Variants in THSD7A observed in about 807,000 individuals in gnomAD.
THSD7A encodes the protein thrombospondin type 1 domain containing 7A.
A neutral mutation model predicts 231.3 loss-of-function variants in THSD7A; 96 were observed. That is an observed-to-expected ratio of 0.41 (90% CI 0.35 to 0.49). THSD7A has a LOEUF of 0.49. THSD7A is among the 20% of genes least tolerant of loss of function. The pLI, the probability that THSD7A is intolerant of heterozygous loss-of-function variation, is 0.05. For synonymous variants in THSD7A, 940 were observed against 743.3 expected (o/e 1.26, Z -4.30); for missense variants, 2,290 against 2,070.2 (o/e 1.11, Z -2.06).
chr7:11,518,796 C>T (rs1400826007), intron 6 of THSD7A, among the ~76,000 whole-genome samples: 1 of 152,040 alleles, frequency 6.6e-6, no homozygotes, highest in South Asian at 2.1e-4. Flanking sequence ...AAAATGAACA[C>T]ATGTGAAATA....
intron 4 of THSD7A, among the ~76,000 whole-genome samples, chr7:11,557,515 G>T (rs1789897697): frequency 6.6e-6 from 1 of 152,026 alleles, no homozygotes; most frequent in Non-Finnish European, 1.5e-5. Context: ...GGCATAAGGA[G>T]TGACTTTGAT....
At chr7:11,532,058 T>G (rs531153200) in intron 6 of THSD7A, among the ~76,000 whole-genome samples, 44 of 152,022 alleles carry the variant, frequency 2.9e-4, no homozygotes, top group African/African-American at 1.0e-3. Flanking sequence ...AAGTGACCAT[T>G]CAGCTGTTTT....
intron 23 of THSD7A, chr7:11,385,070 C>G (rs534825744): frequency 2.4e-4 from 36 of 148,230 alleles, no homozygotes; most frequent in African/African-American, 8.2e-4. Context: ...GTTTTATTGT[C>G]AATGCAGCTT....
chr7:11,658,056 C>T (rs1043347579), intron 1 of THSD7A, among the ~76,000 whole-genome samples: 3 of 151,566 alleles, frequency 2.0e-5, no homozygotes, highest in Non-Finnish European at 3.0e-5. Context: ...AACAAGGGAC[C>T]AGCAGTCAGT....
intron 4 of THSD7A, among the ~76,000 whole-genome samples, chr7:11,565,200 A>AC (rs1790256638): frequency 6.6e-6 from 1 of 152,248 alleles, no homozygotes; most frequent in Admixed American, 6.5e-5. Flanking sequence ...AGTCTGGAAT[A>AC]TGTATGTTAT....
rs991134772 is a variant in THSD7A, at chr7:11,632,468, G to A, written c.1022+3662C>T. Among the ~76,000 whole-genome samples the A allele has an allele frequency of 2.0e-5, 3 of 151,894 alleles. No individual in the cohort carries two copies. Among genetic ancestry groups the A allele is most frequent in the Admixed American group, 6.6e-5 (1 of 15,248 alleles). On this transcript the variant is annotated intron_variant, in intron 2 of 27. Coordinates refer to ENST00000423059, the MANE Select transcript of THSD7A (RefSeq NM_015204.3). The surrounding 1 kb of genome is among the most constrained non-coding windows in gnomAD (Gnocchi z 4.1). ...CATCAACCTTATTGATTTTTTTATTGTTTATATTTTCAATTGATTAGCTGG... is the reference window on the plus strand; with the variant it reads ...CATCAACCTTATTGATTTTTTTATTATTTATATTTTCAATTGATTAGCTGG...
chr7:11,700,389 T>A (rs533085047), intron 1 of THSD7A, among the ~76,000 whole-genome samples: 1 of 151,342 alleles, frequency 6.6e-6, no homozygotes, highest in Non-Finnish European at 1.5e-5. Context: ...GTTGTTGACA[T>A]TTACGTAATT....
intron 1 of THSD7A, among the ~76,000 whole-genome samples, chr7:11,769,140 TATATATATA>T (rs1427209141): frequency 1.6e-5 from 1 of 62,396 alleles, no homozygotes; most frequent in African/African-American, 5.3e-5. Flanking sequence ...TATATATATA[TATATATATA>T]TATATTTTTT....
intron 11 of THSD7A, among the ~76,000 whole-genome samples, chr7:11,459,665 ATTTTTTTTTTT>A (rs34415355): frequency 0.067 from 2,673 of 39,894 alleles, 205 homozygotes; most frequent in African/African-American, 0.15. Context: ...AAAACAGGGG[ATTTTTTTTTTT>A]TTTTTTTTTT....
intron 13 of THSD7A, among the ~76,000 whole-genome samples, chr7:11,442,490 T>G (rs370219773): frequency 7.9e-5 from 12 of 152,140 alleles, no homozygotes; most frequent in African/African-American, 2.6e-4. Context: ...AATTTTGTCT[T>G]TAAATTGAAA....
chr7:11,738,465 C>A (rs1207232403), intron 1 of THSD7A, among the ~76,000 whole-genome samples: 1 of 151,978 alleles, frequency 6.6e-6, no homozygotes, highest in African/African-American at 2.4e-5. Flanking sequence ...TAAGATAGTG[C>A]TAGCAATACT....
intron 1 of THSD7A, among the ~76,000 whole-genome samples, chr7:11,810,008 G>C (rs1046947396): frequency 6.6e-6 from 1 of 152,148 alleles, no homozygotes; most frequent in Non-Finnish European, 1.5e-5. Context: ...ACATGAAAAA[G>C]TATGGGATAG....
chr7:11,595,466 T>A (rs1780327706), intron 2 of THSD7A, among the ~76,000 whole-genome samples: 1 of 152,152 alleles, frequency 6.6e-6, no homozygotes, highest in Non-Finnish European at 1.5e-5. Flanking sequence ...AAAAAGGTTC[T>A]AATGGTTTAT....
At chr7:11,822,698 T>C (rs1424958166) in intron 1 of THSD7A, among the ~76,000 whole-genome samples, 1 of 152,084 alleles carries the variant, frequency 6.6e-6, no homozygotes, top group Non-Finnish European at 1.5e-5. Flanking sequence ...CTTTTCCATA[T>C]ACCTGTTAAT....
intron 1 of THSD7A, among the ~76,000 whole-genome samples, chr7:11,794,608 G>GT (rs1784064450): frequency 1.3e-5 from 2 of 151,926 alleles, no homozygotes; most frequent in Non-Finnish European, 2.9e-5. Context: ...TAAGGGGTCT[G>GT]TACCAGTATT....
intron 6 of THSD7A, among the ~76,000 whole-genome samples, chr7:11,497,775 T>G (rs999602062): frequency 6.6e-6 from 1 of 151,970 alleles, no homozygotes; most frequent in African/African-American, 2.4e-5. Flanking sequence ...GGTACTTGCA[T>G]TGGGATTAAT....
chr7:11,623,565 G>A (rs976718514), intron 2 of THSD7A, among the ~76,000 whole-genome samples: 2 of 152,128 alleles, frequency 1.3e-5, no homozygotes, highest in Non-Finnish European at 2.9e-5. Context: ...CCCCATGGCT[G>A]ACTTCCTCTT....
chr7:11,711,962 C>T (rs547375519), intron 1 of THSD7A, among the ~76,000 whole-genome samples: 2 of 151,116 alleles, frequency 1.3e-5, no homozygotes, highest in East Asian at 3.9e-4. Context: ...CTATGGGTAT[C>T]GTCCTCTAGG....
intron 13 of THSD7A, among the ~76,000 whole-genome samples, chr7:11,439,980 A>G (rs2128292912): frequency 6.6e-6 from 1 of 152,118 alleles, no homozygotes; most frequent in South Asian, 2.1e-4. Flanking sequence ...TAGAGAGGAA[A>G]AGTCAATGGC....
Sources: allele counts gnomAD v4.1 joint callset (sites outside exome capture counted in the v4.1 genomes callset), GRCh38; gene constraint gnomAD v4.1.1; non-coding constraint Gnocchi (gnomAD v3.1); transcripts MANE v1.5; gene names NCBI Gene and HGNC (gene_info 2026-07-23, HGNC 2026-07-21).